Variants in ANK2 observed in about 807,000 individuals in gnomAD.
ANK2 encodes ankyrin 2.
In ANK2, 83 loss-of-function variants were observed where a neutral mutation model predicts 360.5. The observed-to-expected ratio is 0.23, with a 90% confidence interval of 0.19 to 0.28. The LOEUF (loss-of-function observed/expected upper bound fraction) is 0.28. ANK2 is among the 10% of genes least tolerant of loss of function. The pLI, the probability that ANK2 is intolerant of heterozygous loss-of-function variation, is 1.00. For synonymous variants in ANK2, 1,740 were observed against 1,759.5 expected, an observed-to-expected ratio of 0.99 and a Z score of 0.28; for missense variants, 4,201 against 4,795.7, an observed-to-expected ratio of 0.88 and a Z score of 3.66.
intron 1 of ANK2, among the ~76,000 whole-genome samples, chr4:113,105,697 T>C (rs2154362375): frequency 6.6e-6 from 1 of 152,324 alleles, no homozygotes; most frequent in East Asian, 1.9e-4. Flanking sequence ...ACAAACTGTG[T>C]TTGTACATCC....
rs2050173592 is a variant in ANK2, at chr4:113,000,358, A to G, written c.21+95844A>G. ...ATGCTATCTTCACAAAGGGAAGTTT[A>G]TGTCCTGCTTTTAAGTGGGCAAGGG... is the stretch of plus-strand genomic sequence containing the variant. On this transcript the variant is annotated intron_variant, in intron 2 of 30. Transcript: ENST00000503271. Among the ~76,000 whole-genome samples, 4 of 152,316 alleles carry G rather than the reference A, an allele frequency of 2.6e-5. No individual in the cohort carries two copies. The South Asian group carries it at 8.3e-4, about 32-fold the overall frequency.
intron 17 of ANK2, among the ~76,000 whole-genome samples, chr4:113,282,292 G>A (rs1259593199): frequency 6.6e-6 from 1 of 152,160 alleles, no homozygotes; most frequent in Non-Finnish European, 1.5e-5. Flanking sequence ...TTGAAGGAAT[G>A]GAGAAAATTA....
intron 2 of ANK2, among the ~76,000 whole-genome samples, chr4:112,968,205 C>T (rs778340265): frequency 8.5e-5 from 13 of 152,170 alleles, no homozygotes; most frequent in Non-Finnish European, 1.6e-4. Context: ...GTATTACTTA[C>T]TGCACAGGGT....
chr4:112,866,462 C>A (rs1242900376), intron 1 of ANK2, among the ~76,000 whole-genome samples: 2 of 152,138 alleles, frequency 1.3e-5, no homozygotes, highest in Non-Finnish European at 2.9e-5. Flanking sequence ...TCTTCAGGTA[C>A]CTTAAACATA....
intron 14 of ANK2, among the ~76,000 whole-genome samples, chr4:113,267,287 G>A (rs1326408541): frequency 6.6e-6 from 1 of 152,064 alleles, no homozygotes; most frequent in Non-Finnish European, 1.5e-5. Context: ...GGTTTTTGTT[G>A]CCATGGCTTT....
chr4:112,785,661 C>T, the ANK2 span, among the ~76,000 whole-genome samples: 2 of 151,616 alleles, frequency 1.3e-5, no homozygotes, highest in African/African-American at 4.9e-5. Context: ...TGAGCCACTG[C>T]GCCTGGCCTT....
intron 43 of ANK2, among the ~76,000 whole-genome samples, chr4:113,372,217 T>G (rs1439588612): frequency 1.3e-5 from 2 of 152,212 alleles, no homozygotes; most frequent in African/African-American, 4.8e-5. Flanking sequence ...GGCTTTTTTT[T>G]TAGGAGTTTA....
intron 2 of ANK2, among the ~76,000 whole-genome samples, chr4:113,025,566 A>T (rs2059110049): frequency 6.6e-6 from 1 of 152,188 alleles, no homozygotes; most frequent in Admixed American, 6.6e-5. Context: ...ATCTCTTGAC[A>T]CTTTCTAAGG....
At position 113,353,943 on chromosome 4, in the gene ANK2, G is replaced by T; in HGVS notation, c.5325G>T (p.Lys1775Asn). 1 of 1,614,074 alleles carries T rather than the reference G, an allele frequency of 6.2e-7. No individual in the cohort carries two copies. Among genetic ancestry groups the T allele is most frequent in the South Asian group, 1.1e-5 (1 of 91,072 alleles). The change falls in exon 38 of 46, where the codon AAG becomes AAT. Residue 1775 changes from lysine (K) to asparagine (N), a missense_variant. This residue lies in a region of ANK2 where 2,642 missense variants were observed against 2,714.5 expected (regional missense o/e 0.97). Transcript: ENST00000357077. ...AGGACAAAGTAAAGGCCCTTCAGAA[G>T]CGAGTGGAAGATGAACAGAAAGGTC... ...SIKDKVKALQ[K>N]RVEDEQKGRS...
chr4:113,142,183 G>C (rs1344800440), intron 1 of ANK2, among the ~76,000 whole-genome samples: 1 of 152,166 alleles, frequency 6.6e-6, no homozygotes, highest in Non-Finnish European at 1.5e-5. Context: ...ATTATTAAAG[G>C]ATGGTGCTGC....
At chr4:112,925,749 G>A (rs2092453117) in intron 2 of ANK2, among the ~76,000 whole-genome samples, 1 of 152,186 alleles carries the variant, frequency 6.6e-6, no homozygotes. Flanking sequence ...AGAATTATAA[G>A]TAGTTTAATT....
the ANK2 span, among the ~76,000 whole-genome samples, chr4:112,803,483 G>A: frequency 6.6e-6 from 1 of 152,034 alleles, no homozygotes; most frequent in Admixed American, 6.6e-5. Context: ...TGGAGTAATG[G>A]ATGCGGTCAC....
At chr4:112,752,999 T>C in the ANK2 span, among the ~76,000 whole-genome samples, 2 of 152,208 alleles carry the variant, frequency 1.3e-5, no homozygotes, top group Admixed American at 1.3e-4. Flanking sequence ...CTGGCTATGC[T>C]GTCTCTATGA....
At chr4:113,221,608 G>A (rs1010330253) in intron 4 of ANK2, among the ~76,000 whole-genome samples, 4 of 151,378 alleles carry the variant, frequency 2.6e-5, no homozygotes, top group South Asian at 2.1e-4. Context: ...CCAGTGAGCC[G>A]AGATCGTGCC....
chr4:113,101,768 A>G (rs528842780), intron 1 of ANK2, among the ~76,000 whole-genome samples: 3 of 152,190 alleles, frequency 2.0e-5, no homozygotes, highest in African/African-American at 7.2e-5. Context: ...GAGTTTTACA[A>G]GGAGACCTGG....
chr4:112,924,796 A>C (rs2092289177), intron 2 of ANK2, among the ~76,000 whole-genome samples: 1 of 150,408 alleles, frequency 6.6e-6, no homozygotes, highest in Non-Finnish European at 1.5e-5. Context: ...ATTTTTCTTC[A>C]TACTTTAATT....
chr4:113,162,805 A>G (rs2097583121), intron 1 of ANK2, among the ~76,000 whole-genome samples: 1 of 149,870 alleles, frequency 6.7e-6, no homozygotes, highest in Non-Finnish European at 1.5e-5. Flanking sequence ...TATTTCTTCT[A>G]CATTCAATCC....
intron 2 of ANK2, among the ~76,000 whole-genome samples, chr4:112,984,555 G>A (rs890604414): frequency 2.0e-5 from 3 of 152,176 alleles, no homozygotes; most frequent in African/African-American, 7.2e-5. Flanking sequence ...GGGAATCCAA[G>A]ATGAGATTTG....
intron 33 of ANK2, 32 bp from the exon 34 acceptor site, chr4:113,342,985 C>A (rs2094459616): frequency 8.1e-6 from 13 of 1,613,076 alleles, no homozygotes; most frequent in Non-Finnish European, 1.1e-5. Context: ...ATTGCAGCTA[C>A]TTTATTGTTA....
Sources: gnomAD v4.1 joint callset for allele counts (sites outside exome capture counted in the v4.1 genomes callset) on GRCh38, gnomAD v4.1.1 for gene constraint, gnomAD v4.1.1 regional missense constraint, MANE v1.5 for transcripts, NCBI Gene and HGNC (gene_info 2026-07-23, HGNC 2026-07-21) for gene names.